Variants in CDC42BPA observed in about 807,000 individuals in gnomAD.
The protein encoded by CDC42BPA is serine/threonine-protein kinase MRCK alpha.
Under a neutral mutation model 223.5 loss-of-function variants are expected in CDC42BPA, and 80 were observed. The observed-to-expected ratio is 0.36, with a 90% confidence interval of 0.30 to 0.43. CDC42BPA has a LOEUF of 0.43. Ranked by LOEUF, CDC42BPA falls within the 20% of genes least tolerant of loss-of-function variation. The probability of loss-of-function intolerance (pLI) is 1.00; values close to 1 mark genes in which losing one functional copy is unlikely to be tolerated. For synonymous variants in CDC42BPA, 694 were observed against 718.6 expected, an observed-to-expected ratio of 0.97 and a Z score of 0.55; for missense variants, 1,743 against 2,099.9, an observed-to-expected ratio of 0.83 and a Z score of 3.32.
chr1:227,123,077 C>A (rs1688941754), intron 11 of CDC42BPA, among the ~76,000 whole-genome samples: 1 of 152,168 alleles, frequency 6.6e-6, no homozygotes, highest in Non-Finnish European at 1.5e-5. Flanking sequence ...CCGAGGCTGG[C>A]AGATCACCTT....
chr1:227,227,909 G>T (rs567862440), intron 2 of CDC42BPA, among the ~76,000 whole-genome samples: 7 of 152,154 alleles, frequency 4.6e-5, no homozygotes, highest in Non-Finnish European at 5.9e-5. Flanking sequence ...GAAACAAGTA[G>T]TCATCAGTGA....
chr1:227,190,620 C>G (rs892436268), intron 5 of CDC42BPA, among the ~76,000 whole-genome samples: 1 of 152,134 alleles, frequency 6.6e-6, no homozygotes, highest in African/African-American at 2.4e-5. Flanking sequence ...TTTGTGCCTC[C>G]AAACAACTGA....
chr1:227,006,474 G>T (rs1221086238), intron 34 of CDC42BPA, among the ~76,000 whole-genome samples: 1 of 152,180 alleles, frequency 6.6e-6, no homozygotes, highest in Non-Finnish European at 1.5e-5. Context: ...GTATTATGAG[G>T]ATAAGAACTG....
In CDC42BPA at chr1:227,112,227, G is replaced by C. The variant is rs565517244; in HGVS notation, c.2001+85C>G. On this transcript the variant is annotated intron_variant, in intron 14 of 36. Coordinates refer to ENST00000366766, the MANE Select transcript of CDC42BPA (RefSeq NM_001394014.1). ...GAAAGGCTAGTTTTCACTGCACACCGAATACAGTATACAAGCTAACACTCC... is the reference window on the plus strand; with the variant it reads ...GAAAGGCTAGTTTTCACTGCACACCCAATACAGTATACAAGCTAACACTCC... The C allele has an allele frequency of 1.5e-5, 10 of 657,546 alleles. No homozygotes were observed. In the East Asian group the frequency reaches 2.9e-4, roughly 19 times the overall value. 40.7% of individuals were successfully genotyped at this position (657,546 alleles called of 1,614,324 possible).
At chr1:227,099,154 C>T (rs1359710668) in intron 15 of CDC42BPA, among the ~76,000 whole-genome samples, 1 of 151,914 alleles carries the variant, frequency 6.6e-6, no homozygotes, top group Non-Finnish European at 1.5e-5. Flanking sequence ...TGTACAGTAC[C>T]TAATACTTAA....
chr1:227,204,865 A>G (rs1672381548), intron 3 of CDC42BPA, among the ~76,000 whole-genome samples: 1 of 152,172 alleles, frequency 6.6e-6, no homozygotes, highest in African/African-American at 2.4e-5. Flanking sequence ...AAGTTTATCC[A>G]GTATATATAA....
chr1:227,239,530 C>A, intron 2 of CDC42BPA, among the ~76,000 whole-genome samples: 1 of 152,070 alleles, frequency 6.6e-6, no homozygotes, highest in East Asian at 1.9e-4. Flanking sequence ...AGGAGGTATA[C>A]GGGAACTCTG....
intron 5 of CDC42BPA, among the ~76,000 whole-genome samples, chr1:227,177,215 G>C (rs1366481298): frequency 6.6e-6 from 1 of 151,602 alleles, no homozygotes; most frequent in South Asian, 2.1e-4. Flanking sequence ...TAAAAATCCA[G>C]GTTGCCTTCT....
At position 227,152,988 on chromosome 1, in the gene CDC42BPA, A is replaced by G. The variant is rs1476782435; in HGVS notation, c.694-5429T>C. Reference sequence around the variant, plus strand: ...AGATTTTTTAAAAATTCATTAATATAATATAAAAGAAAATACCCTGGAAGA... The same window carrying G: ...AGATTTTTTAAAAATTCATTAATATGATATAAAAGAAAATACCCTGGAAGA... On this transcript the variant is annotated intron_variant, in intron 6 of 36. Transcript: ENST00000366766. Among the ~76,000 whole-genome samples the G allele has an allele frequency of 5.9e-5, 9 of 152,084 alleles. No homozygotes were observed. The East Asian group carries it at 1.7e-3, about 29-fold the overall frequency.
intron 1 of CDC42BPA, among the ~76,000 whole-genome samples, chr1:227,299,654 T>C (rs1043061280): frequency 3.3e-5 from 5 of 152,222 alleles, no homozygotes; most frequent in Admixed American, 2.6e-4. Context: ...AAATTTTTTA[T>C]GGCTTTGCTA....
At chr1:227,038,485 A>G (rs1325986329) in intron 24 of CDC42BPA, among the ~76,000 whole-genome samples, 3 of 152,230 alleles carry the variant, frequency 2.0e-5, no homozygotes, top group Non-Finnish European at 4.4e-5. Flanking sequence ...CAAACCTTCC[A>G]CATTAATTTG....
rs1372745749 is a variant in CDC42BPA, at chr1:226,990,343, CT to C, written c.*3924del. On this transcript the variant is annotated 3_prime_UTR_variant, in exon 37 of 37. Transcript: ENST00000366766. ...GGGAGGGCCCAGCGTGCTGCCAGTG[CT>C]GGGGGGCAGGGCTTACACTCCTTAT... 6.6e-6 allele frequency: 1 copy of C among 152,218 alleles called. No homozygotes were observed. The highest frequency in any genetic ancestry group is 2.4e-5 in the African/African-American group (1 of 41,460). The allele number at this position is 152,218 out of a possible 1,614,324, so 9.4% of individuals were successfully genotyped here.
intron 1 of CDC42BPA, among the ~76,000 whole-genome samples, chr1:227,274,825 A>G (rs1686639705): frequency 6.6e-6 from 1 of 152,206 alleles, no homozygotes; most frequent in Admixed American, 6.5e-5. Flanking sequence ...TTCACTACAG[A>G]TAATGACTGT....
intron 35 of CDC42BPA, among the ~76,000 whole-genome samples, chr1:227,003,085 T>G (rs1040357874): frequency 6.6e-6 from 1 of 151,972 alleles, no homozygotes; most frequent in Non-Finnish European, 1.5e-5. Context: ...AAAAAAAAAA[T>G]ACCTGGGCAC....
At chr1:227,034,817 A>AAACC (rs778154132) in intron 25 of CDC42BPA, 23 bp from the exon 26 acceptor site, 14 of 1,580,584 alleles carry the variant, frequency 8.9e-6, no homozygotes, top group Non-Finnish European at 1.2e-5. Flanking sequence ...TTAGACAGAC[A>AAACC]AACAGCCAAA....
chr1:227,111,168 T>A (rs1686839688), intron 14 of CDC42BPA, among the ~76,000 whole-genome samples: 1 of 152,178 alleles, frequency 6.6e-6, no homozygotes, highest in African/African-American at 2.4e-5. Context: ...TCTTACATGT[T>A]ATGGATAATT....
intron 2 of CDC42BPA, among the ~76,000 whole-genome samples, chr1:227,218,954 A>T (rs1476890108): frequency 6.6e-6 from 1 of 152,236 alleles, no homozygotes; most frequent in Non-Finnish European, 1.5e-5. Flanking sequence ...CAGTAGCAAT[A>T]GTCAAAATAC....
chr1:227,285,991 C>T (rs1434903119), intron 1 of CDC42BPA, among the ~76,000 whole-genome samples: 1 of 152,186 alleles, frequency 6.6e-6, no homozygotes, highest in Non-Finnish European at 1.5e-5. Context: ...GCCTCTGAGC[C>T]TATAATGGGA....
At chr1:227,282,286 G>C (rs1411024533) in intron 1 of CDC42BPA, among the ~76,000 whole-genome samples, 1 of 151,814 alleles carries the variant, frequency 6.6e-6, no homozygotes, top group Non-Finnish European at 1.5e-5. Flanking sequence ...TGAGAACAGA[G>C]ATTACCTAAA....
Sources: gnomAD v4.1 joint callset for allele counts (sites outside exome capture counted in the v4.1 genomes callset) on GRCh38, gnomAD v4.1.1 for gene constraint, MANE v1.5 for transcripts, NCBI Gene and HGNC (gene_info 2026-07-23, HGNC 2026-07-21) for gene names.